The following DPYSL3 variants were observed in gnomAD, a reference collection of about 807,000 sequenced individuals.
The protein encoded by DPYSL3 is dihydropyrimidinase-related protein 3.
In DPYSL3, 16 loss-of-function variants were observed where a neutral mutation model predicts 66.1. That is an observed-to-expected ratio of 0.24 (90% CI 0.16 to 0.37). DPYSL3 has a LOEUF of 0.37. DPYSL3 is among the 10% of genes least tolerant of loss of function. DPYSL3 has a pLI of 1.00. For synonymous variants in DPYSL3, 338 were observed against 345.1 expected, an observed-to-expected ratio of 0.98 and a Z score of 0.23; for missense variants, 738 against 916.2, an observed-to-expected ratio of 0.81 and a Z score of 2.51.
chr5:147,407,179 C>A (rs898319044), intron 7 of DPYSL3, among the ~76,000 whole-genome samples: 1 of 152,154 alleles, frequency 6.6e-6, no homozygotes, highest in African/African-American at 2.4e-5. Flanking sequence ...CCCCCAGGAC[C>A]TCTGTCCTGG....
intron 1 of DPYSL3, among the ~76,000 whole-genome samples, chr5:147,503,523 G>A (rs1220663611): frequency 6.6e-6 from 1 of 151,960 alleles, no homozygotes; most frequent in Non-Finnish European, 1.5e-5. Context: ...AAACTCCTGG[G>A]CTCAAGCAAT....
chr5:147,420,807 GTCTT>G (rs1278966643), intron 2 of DPYSL3, among the ~76,000 whole-genome samples: 1 of 152,190 alleles, frequency 6.6e-6, no homozygotes, highest in Non-Finnish European at 1.5e-5. Context: ...TGGCCTTTCA[GTCTT>G]TCTAATAGAA....
chr5:147,427,886 A>C (rs965549984), intron 1 of DPYSL3, among the ~76,000 whole-genome samples: 2 of 152,222 alleles, frequency 1.3e-5, no homozygotes, highest in Admixed American at 1.3e-4. Context: ...CCAGCAAAGA[A>C]CTGAACTAAA....
At chr5:147,474,759 GCCTTTTTTAAAA>G (rs1472674954) in intron 1 of DPYSL3, among the ~76,000 whole-genome samples, 1 of 151,940 alleles carries the variant, frequency 6.6e-6, no homozygotes, top group East Asian at 1.9e-4. Context: ...TCATGTAATA[GCCTTTTTTAAAA>G]CACTTTGTTG....
chr5:147,443,592 CG>C (rs1383806450), intron 1 of DPYSL3, among the ~76,000 whole-genome samples: 3 of 147,696 alleles, frequency 2.0e-5, no homozygotes, highest in Non-Finnish European at 4.5e-5. Flanking sequence ...ACATGTATCC[CG>C]TTTTTTTTTT....
intron 1 of DPYSL3, among the ~76,000 whole-genome samples, chr5:147,482,273 C>G (rs946644422): frequency 6.6e-6 from 1 of 152,232 alleles, no homozygotes; most frequent in African/African-American, 2.4e-5. Flanking sequence ...ATGAAAGAAC[C>G]CTTTTCACAA....
chr5:147,471,716 G>A (rs1220713113), intron 1 of DPYSL3, among the ~76,000 whole-genome samples: 2 of 152,050 alleles, frequency 1.3e-5, no homozygotes, highest in Admixed American at 1.3e-4. Context: ...TTCTTACAAA[G>A]GCAGATAAGG....
intron 1 of DPYSL3, among the ~76,000 whole-genome samples, chr5:147,452,335 C>T (rs1280125052): frequency 6.6e-6 from 1 of 151,988 alleles, no homozygotes; most frequent in African/African-American, 2.4e-5. Context: ...ACTACTGTGG[C>T]AGGTAAAGCT....
chr5:147,420,882 T>G (rs1752064716), intron 2 of DPYSL3, among the ~76,000 whole-genome samples: 1 of 152,200 alleles, frequency 6.6e-6, no homozygotes, highest in African/African-American at 2.4e-5. Context: ...AAGCACCATG[T>G]GAAGATGGAT....
chr5:147,459,075 G>A lies in DPYSL3; in HGVS notation c.382-34112C>T, dbSNP rs150866619. On this transcript the variant is annotated intron_variant, in intron 1 of 13. Coordinates refer to ENST00000343218, the MANE Select transcript of DPYSL3 (RefSeq NM_001197294.2). ...CCAGCTCTTTTACAGTGCTTGGAGT[G>A]GAGTCGCATCAATGGGAAAAGGGGG... Among the ~76,000 whole-genome samples the A allele has an allele frequency of 6.6e-5, 10 of 151,286 alleles. No individual in the cohort carries two copies. In the East Asian group the frequency reaches 1.9e-3, roughly 29 times the overall value.
At chr5:147,457,749 G>C (rs993060798) in intron 1 of DPYSL3, among the ~76,000 whole-genome samples, 1 of 152,178 alleles carries the variant, frequency 6.6e-6, no homozygotes, top group African/African-American at 2.4e-5. Context: ...GAGAGAAGTA[G>C]GTCAATGGCT....
At chr5:147,497,866 C>G (rs992490741) in intron 1 of DPYSL3, among the ~76,000 whole-genome samples, 1 of 152,104 alleles carries the variant, frequency 6.6e-6, no homozygotes, top group Non-Finnish European at 1.5e-5. Context: ...CACTTTTTCA[C>G]CACAACTTTT....
In DPYSL3 at chr5:147,509,414, C is replaced by T. The variant is rs1753725737; in HGVS notation, c.381+64G>A. ...GAGCTGGAGAAAGTTGTGCCCGGGC[C>T]ATGGCGGCCAGGGCTGGAGAAAGGA... On this transcript the variant is annotated intron_variant, in intron 1 of 13. Coordinates refer to ENST00000343218, the MANE Select transcript of DPYSL3 (RefSeq NM_001197294.2). The surrounding 1 kb of genome is among the most constrained non-coding windows in gnomAD (Gnocchi z 5.3). 1 of 1,446,822 alleles carries T rather than the reference C, an allele frequency of 6.9e-7. No individual in the cohort carries two copies. Among genetic ancestry groups the T allele is most frequent in the Non-Finnish European group, 9.1e-7 (1 of 1,104,448 alleles). The allele number at this position is 1,446,822 out of a possible 1,614,324, so 89.6% of individuals were successfully genotyped here. A position where few individuals can be genotyped will look rare whatever the true frequency, so the allele number is the denominator to read the frequency against.
chr5:147,441,931 C>T (rs57782659), intron 1 of DPYSL3, among the ~76,000 whole-genome samples: 7,585 of 152,192 alleles, frequency 0.05, 612 homozygotes, highest in African/African-American at 0.17. Flanking sequence ...TCCCTAGAAG[C>T]AGATTATATT....
intron 4 of DPYSL3, among the ~76,000 whole-genome samples, 195 bp downstream of exon 4, chr5:147,415,514 A>G (rs147150286): frequency 7.9e-5 from 12 of 152,264 alleles, no homozygotes; most frequent in African/African-American, 2.9e-4. Context: ...AAGTGGGGAA[A>G]ACAATCACTA....
chr5:147,469,719 G>T (rs1054809077), intron 1 of DPYSL3, among the ~76,000 whole-genome samples: 1 of 152,108 alleles, frequency 6.6e-6, no homozygotes, highest in African/African-American at 2.4e-5. Context: ...TTCTCAAAGG[G>T]TGTATGACCC....
At chr5:147,447,128 A>G (rs1392040319) in intron 1 of DPYSL3, among the ~76,000 whole-genome samples, 1 of 152,248 alleles carries the variant, frequency 6.6e-6, no homozygotes, top group Non-Finnish European at 1.5e-5. Context: ...TGTGAGTTAA[A>G]TGAGATAATC....
chr5:147,453,953 A>G (rs996520299), intron 1 of DPYSL3: 12 of 292,034 alleles, frequency 4.1e-5, no homozygotes, highest in African/African-American at 2.5e-4. Flanking sequence ...TCCTCTTTGC[A>G]TCTGCCTCAC....
intron 13 of DPYSL3, 111 bp from the exon 14 acceptor site, chr5:147,394,234 C>A: frequency 9.4e-7 from 1 of 1,065,212 alleles, no homozygotes; most frequent in South Asian, 1.4e-5. Flanking sequence ...TATGAAGTGC[C>A]TTGCTGGCCT....
Sources: gnomAD v4.1 joint callset for allele counts (sites outside exome capture counted in the v4.1 genomes callset) on GRCh38, gnomAD v4.1.1 for gene constraint, Gnocchi (gnomAD v3.1) non-coding constraint, MANE v1.5 for transcripts, NCBI Gene and HGNC (gene_info 2026-07-23, HGNC 2026-07-21) for gene names.